FER: variants seen among roughly 807,000 people sequenced by gnomAD.
FER encodes the protein FER tyrosine kinase.
A neutral mutation model predicts 111.0 loss-of-function variants in FER; 63 were observed. The observed-to-expected ratio is 0.57, with a 90% confidence interval of 0.46 to 0.70. FER has a LOEUF of 0.70. Ranked by LOEUF, FER falls within the 30% of genes least tolerant of loss-of-function variation. FER has a pLI of 0.00. For missense variants in FER, 914 were observed against 954.0 expected (o/e 0.96, Z 0.55); for synonymous variants, 327 against 313.9 (o/e 1.04, Z -0.44).
chr5:109,102,771 T>C (rs1748410788), intron 17 of FER, among the ~76,000 whole-genome samples: 1 of 152,182 alleles, frequency 6.6e-6, no homozygotes, highest in Admixed American at 6.5e-5. Flanking sequence ...ACTCATTAAA[T>C]GCTCTTTTGG....
At chr5:108,837,698 A>G (rs889020566) in intron 5 of FER, among the ~76,000 whole-genome samples, 4 of 152,180 alleles carry the variant, frequency 2.6e-5, no homozygotes, top group African/African-American at 9.6e-5. Flanking sequence ...AGCAAAATCT[A>G]ATTCTGATGT....
At chr5:108,879,612 A>T in intron 8 of FER, among the ~76,000 whole-genome samples, 1 of 143,116 alleles carries the variant, frequency 7.0e-6, no homozygotes, top group Non-Finnish European at 1.5e-5. Flanking sequence ...CTTAATTCAC[A>T]CATTACAGGT....
intron 9 of FER, among the ~76,000 whole-genome samples, chr5:108,896,174 T>C (rs1749063611): frequency 6.6e-6 from 1 of 151,974 alleles, no homozygotes; most frequent in Admixed American, 6.6e-5. Context: ...TTTTTTTTTC[T>C]TGGTAGCTAG....
intron 2 of FER, among the ~76,000 whole-genome samples, chr5:108,790,226 GCATACACACCACACACACA>G (rs1049969987): frequency 2.1e-5 from 2 of 93,420 alleles, no homozygotes; most frequent in Non-Finnish European, 4.2e-5. Context: ...ATACATATAT[GCATACACACCACACACACA>G]CACACACACA....
chr5:109,170,724 C>G (rs1757014366), intron 17 of FER, among the ~76,000 whole-genome samples: 2 of 152,132 alleles, frequency 1.3e-5, no homozygotes, highest in South Asian at 4.1e-4. Flanking sequence ...AGGATACTTC[C>G]ATTGCTATAG....
At chr5:108,932,374 G>A (rs941214089) in intron 10 of FER, among the ~76,000 whole-genome samples, 1 of 152,176 alleles carries the variant, frequency 6.6e-6, no homozygotes. Flanking sequence ...TGGCAGCATA[G>A]TATTCCATGG....
chr5:109,128,155 T>C (rs1272642174), intron 17 of FER, among the ~76,000 whole-genome samples: 1 of 152,154 alleles, frequency 6.6e-6, no homozygotes, highest in Non-Finnish European at 1.5e-5. Context: ...GAAATATATT[T>C]TCCTACCCTC....
chr5:108,870,777 T>A (rs1030330632), intron 6 of FER, among the ~76,000 whole-genome samples: 3 of 152,188 alleles, frequency 2.0e-5, no homozygotes, highest in Non-Finnish European at 4.4e-5. Flanking sequence ...AGCTGGTCTC[T>A]GCGACAGAAT....
chr5:109,182,718 C>A (rs541293165), intron 18 of FER, among the ~76,000 whole-genome samples: 13 of 152,112 alleles, frequency 8.5e-5, no homozygotes, highest in Admixed American at 5.2e-4. Flanking sequence ...CTCTTGATCA[C>A]GGTATAGTTT....
chr5:108,843,990 G>A (rs1037398413), intron 5 of FER, among the ~76,000 whole-genome samples: 4 of 129,696 alleles, frequency 3.1e-5, no homozygotes, highest in East Asian at 2.3e-4. Flanking sequence ...TCTCTGTTTC[G>A]CCTCTTTCTA....
intron 1 of FER, among the ~76,000 whole-genome samples, chr5:108,765,555 G>T (rs936250354): frequency 6.6e-5 from 10 of 152,096 alleles, no homozygotes; most frequent in African/African-American, 2.2e-4. Flanking sequence ...GAGTAGCTAG[G>T]ACTACAGTGG....
Position 108,997,416 on chromosome 5 carries a change from C to CA in FER, c.1656+38086dup, listed in dbSNP as rs552848111. Among the ~76,000 whole-genome samples the CA allele has an allele frequency of 1.9e-3, 206 of 107,990 alleles. 2 individuals are homozygous for CA. Among genetic ancestry groups the CA allele is most frequent in the East Asian group, 0.014 (37 of 2,630 alleles). 70.8% of individuals were successfully genotyped at this position (107,990 alleles called of 152,430 possible). A position where few individuals can be genotyped will look rare whatever the true frequency, so the allele number is the denominator to read the frequency against. On this transcript the variant is annotated intron_variant, in intron 13 of 19. Coordinates refer to ENST00000281092, the MANE Select transcript of FER (RefSeq NM_005246.4). ...TGGGTGGTGGAGCGAGACCCTGTCT[C>CA]AAAAAAAAAAAAAAAAAGAGATTTT...
chr5:109,061,657 A>T, intron 16 of FER, among the ~76,000 whole-genome samples: 1 of 152,198 alleles, frequency 6.6e-6, no homozygotes, highest in East Asian at 1.9e-4. Context: ...ATAATTTCTC[A>T]ACCTTGTGCA....
intron 16 of FER, among the ~76,000 whole-genome samples, chr5:109,055,437 A>G (rs1383737547): frequency 6.6e-6 from 1 of 152,228 alleles, no homozygotes; most frequent in Non-Finnish European, 1.5e-5. Context: ...AATATCCAAA[A>G]TGTATAAAGA....
At chr5:108,799,272 T>G (rs1443599816) in intron 3 of FER, among the ~76,000 whole-genome samples, 4 of 152,260 alleles carry the variant, frequency 2.6e-5, no homozygotes, top group African/African-American at 9.6e-5. Flanking sequence ...AATATTAAAC[T>G]CTAATAGTTC....
At chr5:109,030,903 A>G (rs892513110) in intron 13 of FER, among the ~76,000 whole-genome samples, 1 of 151,956 alleles carries the variant, frequency 6.6e-6, no homozygotes. Flanking sequence ...GTTATTTCTC[A>G]GTTGGGAAGT....
intron 16 of FER, among the ~76,000 whole-genome samples, chr5:109,085,203 A>G (rs766135146): frequency 1.3e-5 from 2 of 151,832 alleles, no homozygotes; most frequent in Non-Finnish European, 2.9e-5. Flanking sequence ...TATGGACTTG[A>G]TACATTGTTC....
intron 17 of FER, among the ~76,000 whole-genome samples, chr5:109,176,665 T>C (rs1757724825): frequency 1.3e-5 from 2 of 152,192 alleles, no homozygotes; most frequent in African/African-American, 4.8e-5. Flanking sequence ...TTTGAGATGA[T>C]AGATATGCTC....
In FER at chr5:108,864,352, C is replaced by G. The variant is rs118187382; in HGVS notation, c.482-3415C>G. Among the ~76,000 whole-genome samples, 123 of 152,228 alleles carry G rather than the reference C, an allele frequency of 8.1e-4. No individual in the cohort carries two copies. In the East Asian group the frequency reaches 0.013, roughly 16 times the overall value. ...GGGATGATGAGAAAGCAAGGGAATTCTATTTCTCATTCTGTTGTTCTTCCT... is the reference window on the plus strand; with the variant it reads ...GGGATGATGAGAAAGCAAGGGAATTGTATTTCTCATTCTGTTGTTCTTCCT... On this transcript the variant is annotated intron_variant, in intron 5 of 19. Transcript: ENST00000281092.
Sources: allele counts gnomAD v4.1 joint callset (sites outside exome capture counted in the v4.1 genomes callset), GRCh38; gene constraint gnomAD v4.1.1; transcripts MANE v1.5; gene names NCBI Gene and HGNC (gene_info 2026-07-23, HGNC 2026-07-21).